Variants in BCL11A observed in about 807,000 individuals in gnomAD.
BCL11A encodes the protein BCL11 transcription factor A.
Under a neutral mutation model 55.9 loss-of-function variants are expected in BCL11A, and 2 were observed. That is an observed-to-expected ratio of 0.04 (90% CI 0.01 to 0.11). BCL11A has a LOEUF of 0.11. Ranked by LOEUF, BCL11A falls within the 10% of genes least tolerant of loss-of-function variation. BCL11A has a pLI of 1.00. For missense variants in BCL11A, 817 were observed against 1,137.1 expected, an observed-to-expected ratio of 0.72 and a Z score of 4.05; for synonymous variants, 465 against 473.4, an observed-to-expected ratio of 0.98 and a Z score of 0.23.
chr2:60,551,534 C>T (rs550094757), intron 1 of BCL11A, among the ~76,000 whole-genome samples: 19 of 152,310 alleles, frequency 1.2e-4, no homozygotes, highest in African/African-American at 3.9e-4. Context: ...CCTCGCGGTC[C>T]CGAGCTGTGG....
rs746171070 is a variant in BCL11A, at chr2:60,546,066, T to G, written c.290A>C (p.Asn97Thr). ...GACCTGGATGCCAACCTCCACGGGA[T>G]TGGATGCTTTTTTCATCTCGATTGG... Reference protein sequence around the residue: ...PSPIEMKKASNPVEVGIQVTP... With the variant: ...PSPIEMKKASTPVEVGIQVTP... Residue 97 changes from asparagine (N) to threonine (T), a missense_variant, in exon 2 of 4, where the codon AAT (asparagine) becomes ACT (threonine). By Grantham distance (65) the Asn-to-Thr change is moderately conservative. Around this residue, in one of 4 missense-constraint regions of BCL11A, gnomAD observed 363 missense variants for 486.6 expected, o/e 0.75. Coordinates refer to ENST00000642384, the MANE Select transcript of BCL11A (RefSeq NM_022893.4). The surrounding 1 kb of genome is among the most constrained non-coding windows in gnomAD (Gnocchi z 4.1). 1 of 1,614,126 alleles carries G rather than the reference T, an allele frequency of 6.2e-7. No homozygotes were observed. The highest frequency in any genetic ancestry group is 1.1e-5 in the South Asian group (1 of 91,090).
chr2:60,490,433 C>A (rs981824795), intron 2 of BCL11A, among the ~76,000 whole-genome samples: 5 of 152,210 alleles, frequency 3.3e-5, no homozygotes, highest in African/African-American at 1.2e-4. Flanking sequence ...CCGTACCCAT[C>A]AAGGAAAATA....
In BCL11A at chr2:60,458,258, C is replaced by G. The variant is rs1676038012; in HGVS notation, c.*2146G>C. On this transcript the variant is annotated 3_prime_UTR_variant, in exon 4 of 4. Transcript: ENST00000642384. ...TATTTAAGTACTATATAATCTTAAA[C>G]CTTTCCCCAATGTATGTTTTTTTTT... is the stretch of plus-strand genomic sequence containing the variant. The G allele has an allele frequency of 9.8e-7, 1 of 1,024,704 alleles. No homozygotes were observed. Among genetic ancestry groups the G allele is most frequent in the Non-Finnish European group, 1.2e-6 (1 of 852,976 alleles). The allele number at this position is 1,024,704 out of a possible 1,614,324, so 63.5% of individuals were successfully genotyped here. A position where few individuals can be genotyped will look rare whatever the true frequency, so the allele number is the denominator to read the frequency against.
chr2:60,518,236 C>T lies in BCL11A; in HGVS notation c.385+27735G>A, dbSNP rs542501806. ...TATCTATCAAACCTAGACCTAAAAT[C>T]ATCTTGTCTCATTCCCTCTGTCAAC... On this transcript the variant is annotated intron_variant, in intron 2 of 3. Transcript: ENST00000642384. Among the ~76,000 whole-genome samples, 8 of 152,248 alleles carry T rather than the reference C, an allele frequency of 5.3e-5. No individual in the cohort carries two copies. The East Asian group carries it at 1.4e-3, about 26-fold the overall frequency.
intron 2 of BCL11A, 70 bp downstream of exon 2, chr2:60,545,901 G>A: frequency 1.5e-6 from 2 of 1,363,374 alleles, no homozygotes; most frequent in South Asian, 1.3e-5. Context: ...ACTCCTTACT[G>A]CTTGGCTACA....
Position 60,461,717 on chromosome 2 carries a change from G to C in BCL11A, c.1195C>G (p.His399Asp). The change falls in exon 4 of 4, where the codon CAC (histidine) becomes GAC (aspartate). Residue 399 changes from histidine (H) to aspartate (D), a missense_variant. By Grantham distance (81) the His-to-Asp change is moderately conservative. This residue lies in a region of BCL11A where 45 missense variants were observed against 109.0 expected (regional missense o/e 0.41). Coordinates refer to ENST00000642384, the MANE Select transcript of BCL11A (RefSeq NM_022893.4). ...QSNLVVHRRSHTGEKPYKCNL... is the reference protein window; with the variant it reads ...QSNLVVHRRSDTGEKPYKCNL... ...CACTTGTAGGGCTTCTCGCCCGTGT[G>C]GCTGCGCCGGTGCACCACCAGGTTG... 6.2e-7 allele frequency: 1 copy of C among 1,614,096 alleles called. No individual in the cohort carries two copies. The highest frequency in any genetic ancestry group is 8.5e-7 in the Non-Finnish European group (1 of 1,180,040).
At chr2:60,529,999 T>C (rs1377885529) in intron 2 of BCL11A, among the ~76,000 whole-genome samples, 3 of 152,178 alleles carry the variant, frequency 2.0e-5, no homozygotes, top group African/African-American at 7.2e-5. Flanking sequence ...GGGCAAAGAC[T>C]GCACATTAAA....
downstream of BCL11A, chr2:60,452,513 G>A (rs368289667): frequency 7.4e-7 from 1 of 1,344,170 alleles, no homozygotes; most frequent in African/African-American, 1.4e-5. Flanking sequence ...CAGGATGACA[G>A]ACCACGCTGA....
intron 2 of BCL11A, among the ~76,000 whole-genome samples, chr2:60,484,634 G>C (rs1043425109): frequency 6.6e-6 from 1 of 151,978 alleles, no homozygotes; most frequent in Non-Finnish European, 1.5e-5. Flanking sequence ...GGTCAAGGCT[G>C]TACTTCCAAC....
rs754676798 is a variant in BCL11A, at chr2:60,461,350, G to A, written c.1562C>T (p.Ala521Val). The A allele has an allele frequency of 6.2e-7, 1 of 1,603,724 alleles. No homozygotes were observed. Among genetic ancestry groups the A allele is most frequent in the South Asian group, 1.1e-5 (1 of 90,640 alleles). The change falls in exon 4 of 4, where the codon GCG (alanine) becomes GTG (valine). Residue 521 changes from alanine to valine, a missense_variant. Physicochemically the swap from Ala to Val is moderately conservative, Grantham distance 64. Transcript: ENST00000642384. Reference sequence around the variant, plus strand: ...CGAGCTGTTCTCGTGGTGGCGCGCCGCCTCCAGGCTCAGCCCGAAGCCGTA... The same window carrying A: ...CGAGCTGTTCTCGTGGTGGCGCGCCACCTCCAGGCTCAGCCCGAAGCCGTA... ...VDYGFGLSLE[A>V]ARHHENSSRG...
In BCL11A at chr2:60,459,306, T is replaced by C. The variant is rs1676102570; in HGVS notation, c.*1098A>G. The C allele has an allele frequency of 9.8e-7, 1 of 1,016,634 alleles. No homozygotes were observed. Among genetic ancestry groups the C allele is most frequent in the Non-Finnish European group, 1.2e-6 (1 of 847,452 alleles). 63.0% of individuals were successfully genotyped at this position (1,016,634 alleles called of 1,614,324 possible). A position where few individuals can be genotyped will look rare whatever the true frequency, so the allele number is the denominator to read the frequency against. On this transcript the variant is annotated 3_prime_UTR_variant, in exon 4 of 4. Transcript: ENST00000642384. Reference sequence around the variant, plus strand: ...AAAAGACATTATTAAAGCAAATATCTTCATAAAATGAACTCCTTACTAGTG... The same window carrying C: ...AAAAGACATTATTAAAGCAAATATCCTCATAAAATGAACTCCTTACTAGTG...
Position 60,466,377 on chromosome 2 carries a change from A to C in BCL11A, c.487+2355T>G, listed in dbSNP as rs573353022. On this transcript the variant is annotated intron_variant, in intron 3 of 3. Coordinates refer to ENST00000642384, the MANE Select transcript of BCL11A (RefSeq NM_022893.4). The stretch of plus-strand genomic sequence containing the variant: ...CCCCATGCAGGCCCCAGATGCCCCC[A>C]GCAACAGGAGAGCTCTCCCCACCCA... Among the ~76,000 whole-genome samples, 196 of 152,108 alleles carry C rather than the reference A, an allele frequency of 1.3e-3. 2 individuals are homozygous for C. The highest frequency in any genetic ancestry group is 2.7e-3 in the Admixed American group (41 of 15,292).
chr2:60,515,328 G>A (rs1430384087), intron 2 of BCL11A, among the ~76,000 whole-genome samples: 4 of 152,258 alleles, frequency 2.6e-5, no homozygotes, highest in African/African-American at 7.2e-5. Flanking sequence ...TTCAAAGCCC[G>A]GTCTTTCTCT....
At chr2:60,528,652 G>GCGGC (rs1380281357) in intron 2 of BCL11A, 14 of 152,226 alleles carry the variant, frequency 9.2e-5, no homozygotes, top group African/African-American at 1.7e-4. Context: ...GCAGAGGGTG[G>GCGGC]CGGCCGCAGG....
chr2:60,462,168 C>G lies in BCL11A; in HGVS notation c.744G>C (p.Ser248=), dbSNP rs1572953451. 6.3e-7 allele frequency: 1 copy of G among 1,580,368 alleles called. No individual in the cohort carries two copies. Among genetic ancestry groups the G allele is most frequent in the African/African-American group, 1.3e-5 (1 of 74,102 alleles). ...CTTCTGCCAGGCCGGAAGCCTCTCT[C>G]GATACTGATCCTGGTATTCTTAGCA... The part of the protein sequence containing the change: ...FNLLRIPGSV[S]REASGLAEGR... Residue 248 remains serine, a synonymous_variant, in exon 4 of 4, where the codon TCG becomes TCC. Coordinates refer to ENST00000642384, the MANE Select transcript of BCL11A (RefSeq NM_022893.4).
chr2:60,512,476 G>A (rs1038164253), intron 2 of BCL11A, among the ~76,000 whole-genome samples: 6 of 152,162 alleles, frequency 3.9e-5, no homozygotes, highest in Non-Finnish European at 7.4e-5. Context: ...AATGAGAAAG[G>A]CAGCTTTGAG....
chr2:60,546,584 C>A lies in BCL11A; in HGVS notation c.56-284G>T, dbSNP rs970666372. ...ACACACACATATACCCATGCACACACCCACAGCAACAAATGTGTCTGGTTT... is the reference window on the plus strand; with the variant it reads ...ACACACACATATACCCATGCACACAACCACAGCAACAAATGTGTCTGGTTT... On this transcript the variant is annotated intron_variant, in intron 1 of 3. Coordinates refer to ENST00000642384, the MANE Select transcript of BCL11A (RefSeq NM_022893.4). The surrounding 1 kb of genome is among the most constrained non-coding windows in gnomAD (Gnocchi z 4.1). Among the ~76,000 whole-genome samples the A allele has an allele frequency of 5.9e-5, 9 of 152,070 alleles. No homozygotes were observed. The highest frequency in any genetic ancestry group is 2.2e-4 in the African/African-American group (9 of 41,402).
At position 60,457,734 on chromosome 2, in the gene BCL11A, G is replaced by A. The variant is rs1676011027; in HGVS notation, c.*2670C>T. 7 of 1,032,768 alleles carry A rather than the reference G, an allele frequency of 6.8e-6. No individual in the cohort carries two copies. The South Asian group carries it at 3.2e-4, about 48-fold the overall frequency. The allele number at this position is 1,032,768 out of a possible 1,614,324, so 64.0% of individuals were successfully genotyped here. A position where few individuals can be genotyped will look rare whatever the true frequency, so the allele number is the denominator to read the frequency against. On this transcript the variant is annotated 3_prime_UTR_variant, in exon 4 of 4. Transcript: ENST00000642384. Reference sequence around the variant, plus strand: ...TACTGCATATGAAGGTAAGATGCTGGAATGTAGGGTGATAGAAGGAAAGGG... The same window carrying A: ...TACTGCATATGAAGGTAAGATGCTGAAATGTAGGGTGATAGAAGGAAAGGG...
intron 2 of BCL11A, among the ~76,000 whole-genome samples, chr2:60,512,438 C>T (rs1680037515): frequency 6.6e-6 from 1 of 152,162 alleles, no homozygotes; most frequent in African/African-American, 2.4e-5. Context: ...CTTCTACCTG[C>T]CCCTGTGCCA....
Sources: allele counts gnomAD v4.1 joint callset (sites outside exome capture counted in the v4.1 genomes callset), GRCh38; gene constraint gnomAD v4.1.1; regional missense constraint gnomAD v4.1.1; non-coding constraint Gnocchi (gnomAD v3.1); transcripts MANE v1.5; gene names NCBI Gene and HGNC (gene_info 2026-07-23, HGNC 2026-07-21).